The following LRMDA variants were observed in gnomAD, a reference collection of about 807,000 sequenced individuals.
LRMDA encodes the protein leucine-rich melanocyte differentiation-associated protein.
A neutral mutation model predicts 29.8 loss-of-function variants in LRMDA; 18 were observed. The ratio of observed to expected loss-of-function variants is 0.60; its 90% CI spans 0.42 to 0.90. The LOEUF is 0.90. Ranked by LOEUF, LRMDA falls within the 40% of genes least tolerant of loss-of-function variation. The probability of loss-of-function intolerance (pLI) is 0.00; values close to 1 mark genes in which losing one functional copy is unlikely to be tolerated. For synonymous variants in LRMDA, 125 were observed against 109.4 expected, an observed-to-expected ratio of 1.14 and a Z score of -0.89; for missense variants, 273 against 273.9, an observed-to-expected ratio of 1.00 and a Z score of 0.02.
chr10:75,463,490 A>AT lies in LRMDA; in HGVS notation c.131+25010dup, dbSNP rs1190860287. ...CGGGTGGGCTACACTGTTCTGGATG[A>AT]TTTTTTTTTTTTTTGAGATGGAGTT... On this transcript the variant is annotated intron_variant, in intron 2 of 6. Coordinates refer to ENST00000611255, the MANE Select transcript of LRMDA (RefSeq NM_001305581.2). Among the ~76,000 whole-genome samples the AT allele has an allele frequency of 9.5e-3, 1,359 of 142,536 alleles. 19 individuals carry two copies. The highest frequency in any genetic ancestry group is 0.031 in the African/African-American group (1,205 of 39,222). 93.5% of individuals were successfully genotyped at this position (142,536 alleles called of 152,430 possible).
intron 2 of LRMDA, among the ~76,000 whole-genome samples, chr10:75,802,841 A>G (rs1843777728): frequency 6.6e-6 from 1 of 152,124 alleles, no homozygotes; most frequent in African/African-American, 2.4e-5. Context: ...TTGGACCAAA[A>G]TCAGAAGTAG....
At position 76,476,226 on chromosome 10, in the gene LRMDA, C is replaced by T. The variant is rs535609171; in HGVS notation, c.602-80983C>T. On this transcript the variant is annotated intron_variant, in intron 6 of 6. Coordinates refer to ENST00000611255, the MANE Select transcript of LRMDA (RefSeq NM_001305581.2). ...AAAATGACAAAGGGGATATCACCAC[C>T]GATCCCACAGAAATACAAACTACTA... Among the ~76,000 whole-genome samples, 35 of 152,058 alleles carry T rather than the reference C, an allele frequency of 2.3e-4. 1 individual carries two copies. In the East Asian group the frequency reaches 5.6e-3, roughly 24 times the overall value.
intron 6 of LRMDA, among the ~76,000 whole-genome samples, chr10:76,438,251 C>A (rs1277862730): frequency 6.6e-6 from 1 of 152,174 alleles, no homozygotes; most frequent in East Asian, 1.9e-4. Context: ...GGACCCTCAT[C>A]AGAGGCTCTC....
chr10:75,787,567 T>C (rs1843493466), intron 2 of LRMDA, among the ~76,000 whole-genome samples: 1 of 152,224 alleles, frequency 6.6e-6, no homozygotes, highest in Non-Finnish European at 1.5e-5. Flanking sequence ...CCCGCCCTCA[T>C]GATACTGTTG....
At chr10:76,387,732 G>A (rs1269228248) in intron 6 of LRMDA, among the ~76,000 whole-genome samples, 1 of 152,164 alleles carries the variant, frequency 6.6e-6, no homozygotes, top group African/African-American at 2.4e-5. Flanking sequence ...AATAAAGAAT[G>A]GTTATTCCAT....
At chr10:75,486,090 G>C (rs1286562031) in intron 2 of LRMDA, among the ~76,000 whole-genome samples, 4 of 152,044 alleles carry the variant, frequency 2.6e-5, no homozygotes, top group Admixed American at 1.3e-4. Context: ...TGCATTTTTT[G>C]TGTTCTAGGT....
chr10:75,821,045 C>A (rs1285683047), intron 2 of LRMDA, among the ~76,000 whole-genome samples: 1 of 152,108 alleles, frequency 6.6e-6, no homozygotes, highest in Non-Finnish European at 1.5e-5. Flanking sequence ...CAAAAAAATT[C>A]CAGGACCAGA....
chr10:76,250,707 A>G (rs1201818665), intron 5 of LRMDA, among the ~76,000 whole-genome samples: 3 of 152,138 alleles, frequency 2.0e-5, no homozygotes, highest in Admixed American at 6.5e-5. Context: ...TTTTTTCCAT[A>G]CAGTCTTTTC....
At chr10:75,843,561 A>G (rs1844579079) in intron 2 of LRMDA, among the ~76,000 whole-genome samples, 2 of 152,320 alleles carry the variant, frequency 1.3e-5, no homozygotes, top group Non-Finnish European at 2.9e-5. Context: ...GATAATAATG[A>G]TTATCAGACA....
At chr10:76,502,730 A>G (rs918693485) in intron 6 of LRMDA, among the ~76,000 whole-genome samples, 2 of 147,232 alleles carry the variant, frequency 1.4e-5, no homozygotes, top group Non-Finnish European at 3.0e-5. Context: ...CTTTACTACA[A>G]TTTTTCCTTT....
At chr10:75,550,689 C>T (rs560961046) in intron 2 of LRMDA, among the ~76,000 whole-genome samples, 1 of 152,096 alleles carries the variant, frequency 6.6e-6, no homozygotes, top group South Asian at 2.1e-4. Context: ...TTTGAGTCTA[C>T]CATTTTGCAA....
chr10:75,962,193 A>C (rs2132430031), intron 2 of LRMDA, among the ~76,000 whole-genome samples: 1 of 152,316 alleles, frequency 6.6e-6, no homozygotes, highest in Admixed American at 6.5e-5. Flanking sequence ...CACTCATAAC[A>C]AAAGAGACCC....
At chr10:76,412,607 A>G (rs1270879693) in intron 6 of LRMDA, among the ~76,000 whole-genome samples, 3 of 152,198 alleles carry the variant, frequency 2.0e-5, no homozygotes, top group Admixed American at 1.3e-4. Flanking sequence ...CTTACATACA[A>G]AGCAGTATGA....
intron 2 of LRMDA, among the ~76,000 whole-genome samples, chr10:75,916,972 CT>C (rs926362519): frequency 7.9e-5 from 12 of 152,188 alleles, no homozygotes; most frequent in Admixed American, 2.0e-4. Context: ...ACTATATACA[CT>C]TTTTGTCGGG....
At chr10:75,806,809 CAAAAA>C (rs56657815) in intron 2 of LRMDA, among the ~76,000 whole-genome samples, 25 of 77,290 alleles carry the variant, frequency 3.2e-4, no homozygotes, top group Middle Eastern at 0.012. Context: ...CTGGAAATTG[CAAAAA>C]AAAAAAAAAA....
At chr10:75,917,352 G>T (rs746379819) in intron 2 of LRMDA, among the ~76,000 whole-genome samples, 1 of 152,148 alleles carries the variant, frequency 6.6e-6, no homozygotes, top group Non-Finnish European at 1.5e-5. Context: ...CATGGGTCTC[G>T]GCAGAAGCTC....
At chr10:76,095,091 A>G (rs1392241370) in intron 5 of LRMDA, among the ~76,000 whole-genome samples, 1 of 152,234 alleles carries the variant, frequency 6.6e-6, no homozygotes, top group Non-Finnish European at 1.5e-5. Flanking sequence ...AAGATAATGA[A>G]CAGTTACCTT....
rs200772762 is a variant in LRMDA at position 76,046,519 on chromosome 10, CAG to C, written c.259-642_259-641del. Among the ~76,000 whole-genome samples the C allele has an allele frequency of 9.1e-4, 138 of 152,210 alleles. 1 individual carries two copies. The East Asian group carries it at 0.017, about 19-fold the overall frequency. The stretch of plus-strand genomic sequence containing the variant: ...TTTGTTTTGTTTTTTTCTTTTGAGA[CAG>C]AGTCTCGCTCTGTCACCTGGGGGCA... On this transcript the variant is annotated intron_variant, in intron 3 of 6. Coordinates refer to ENST00000611255, the MANE Select transcript of LRMDA (RefSeq NM_001305581.2).
intron 2 of LRMDA, among the ~76,000 whole-genome samples, chr10:75,955,147 T>G (rs1169755969): frequency 6.6e-6 from 1 of 152,242 alleles, no homozygotes; most frequent in Non-Finnish European, 1.5e-5. Flanking sequence ...ATTGGTTATC[T>G]TGTAAGATAG....
Sources: gnomAD v4.1 joint callset for allele counts (sites outside exome capture counted in the v4.1 genomes callset) on GRCh38, gnomAD v4.1.1 for gene constraint, MANE v1.5 for transcripts, NCBI Gene and HGNC (gene_info 2026-07-23, HGNC 2026-07-21) for gene names.